Variants in ZMIZ1 observed in about 807,000 individuals in gnomAD.
ZMIZ1 encodes the protein zinc finger MIZ-type containing 1, also known as zinc finger MIZ domain-containing protein 1.
ZMIZ1 carries 17 observed loss-of-function variants against 113.9 expected under a neutral mutation model. The observed-to-expected ratio is 0.15, with a 90% CI of 0.10 to 0.22. ZMIZ1 has a LOEUF of 0.22. Ranked by LOEUF, ZMIZ1 falls within the 10% of genes least tolerant of loss-of-function variation. The probability of loss-of-function intolerance (pLI) is 1.00; values close to 1 mark genes in which losing one functional copy is unlikely to be tolerated. For synonymous variants in ZMIZ1, 607 were observed against 603.1 expected (o/e 1.01, Z -0.09); for missense variants, 1,059 against 1,477.8 (o/e 0.72, Z 4.65).
rs1206669257 is a variant in ZMIZ1 at position 79,208,337 on chromosome 10, A to T, written c.62A>T (p.His21Leu). ...CCGCCTCCTTTTCCTTTCCCACAGCACTTACAGAATCCTGCCAACTTCCAC... is the reference window on the plus strand; with the variant it reads ...CCGCCTCCTTTTCCTTTCCCACAGCTCTTACAGAATCCTGCCAACTTCCAC... ...TNDRLQCIKQHLQNPANFHNA... is the reference protein window; with the variant it reads ...TNDRLQCIKQLLQNPANFHNA... The change falls in exon 6 of 25, where the codon CAC becomes CTC. Residue 21 changes from histidine to leucine, a missense_variant and splice_region_variant. Transcript: ENST00000334512. 1 of 1,613,712 alleles carries T rather than the reference A, an allele frequency of 6.2e-7. No homozygotes were observed. Among genetic ancestry groups the T allele is most frequent in the Non-Finnish European group, 8.5e-7 (1 of 1,179,926 alleles).
intron 4 of ZMIZ1, among the ~76,000 whole-genome samples, chr10:79,194,419 G>A (rs1351234860): frequency 6.6e-6 from 1 of 152,264 alleles, no homozygotes; most frequent in Non-Finnish European, 1.5e-5. Context: ...AAACACTTGT[G>A]TTGGGACAGC....
chr10:79,257,660 G>C (rs1304197309), intron 7 of ZMIZ1, among the ~76,000 whole-genome samples: 1 of 152,224 alleles, frequency 6.6e-6, no homozygotes, highest in Non-Finnish European at 1.5e-5. Context: ...TGCCTGCCAG[G>C]CAGACCTGCC....
chr10:79,158,960 A>C (rs1846003725), intron 3 of ZMIZ1, among the ~76,000 whole-genome samples: 1 of 152,168 alleles, frequency 6.6e-6, no homozygotes, highest in Non-Finnish European at 1.5e-5. Context: ...GGGGTGTTTC[A>C]GGCTGCTGTC....
chr10:79,115,437 C>T (rs1479365883), intron 1 of ZMIZ1, among the ~76,000 whole-genome samples: 1 of 152,178 alleles, frequency 6.6e-6, no homozygotes, highest in Non-Finnish European at 1.5e-5. Flanking sequence ...AGGAAGGTGA[C>T]AGGTGCTGTG....
chr10:79,087,128 C>T (rs1443577213), intron 1 of ZMIZ1, among the ~76,000 whole-genome samples: 4 of 152,252 alleles, frequency 2.6e-5, no homozygotes, highest in Non-Finnish European at 5.9e-5. Context: ...ATTGCTTGTT[C>T]ACTGGCATTG....
chr10:79,298,689 G>GA, intron 15 of ZMIZ1, 109 bp downstream of exon 15: 1 of 1,052,904 alleles, frequency 9.5e-7, no homozygotes, highest in Non-Finnish European at 1.4e-6. Context: ...AGAAGGGGCA[G>GA]AGAGTTGAGA....
intron 8 of ZMIZ1, among the ~76,000 whole-genome samples, chr10:79,288,463 G>T (rs984519254): frequency 1.3e-5 from 2 of 152,188 alleles, no homozygotes; most frequent in African/African-American, 4.8e-5. Flanking sequence ...CCAGACAGAG[G>T]CATGAGGCTC....
intron 1 of ZMIZ1, among the ~76,000 whole-genome samples, chr10:79,114,254 T>C (rs1263124032): frequency 6.6e-6 from 1 of 152,044 alleles, no homozygotes; most frequent in African/African-American, 2.4e-5. Context: ...TTTTTCCCCC[T>C]GTTTAATGGC....
intron 3 of ZMIZ1, among the ~76,000 whole-genome samples, chr10:79,148,557 G>A (rs568811558): frequency 2.0e-5 from 3 of 152,294 alleles, no homozygotes; most frequent in South Asian, 2.1e-4. Context: ...ACGCCTGTCC[G>A]GAAAAGGGGT....
rs1328523668 is a variant in ZMIZ1, at chr10:79,314,273, G to A, written c.*1524G>A. ...GCCTAGGGTGATGCCAGGTTGTCCC[G>A]TCACTGGGGTCCCATCTGTAAATTC... On this transcript the variant is annotated 3_prime_UTR_variant, in exon 25 of 25. Transcript: ENST00000334512. 2.6e-5 allele frequency: 12 copies of A among 456,694 alleles called. No individual in the cohort carries two copies. Among genetic ancestry groups the A allele is most frequent in the Admixed American group, 7.0e-5 (3 of 42,560 alleles). The allele number at this position is 456,694 out of a possible 1,614,324, so 28.3% of individuals were successfully genotyped here. A position where few individuals can be genotyped will look rare whatever the true frequency, so the allele number is the denominator to read the frequency against.
rs1262740400 is a variant in ZMIZ1 at position 79,293,570 on chromosome 10, C to A, written c.1147C>A (p.Gln383Lys). The A allele has an allele frequency of 6.2e-7, 1 of 1,613,056 alleles. No individual in the cohort carries two copies. Among genetic ancestry groups the A allele is most frequent in the Admixed American group, 1.7e-5 (1 of 60,036 alleles). The stretch of plus-strand genomic sequence containing the variant: ...CATCAGCCCCTTTGGCACACACGGG[C>A]AGCGGATGCCCCAGCAGACCTACCC... The part of the protein sequence containing the change: ...PGISPFGTHG[Q>K]RMPQQTYPGP... Residue 383 changes from glutamine (Q) to lysine (K), a missense_variant, in exon 12 of 25, where the codon CAG becomes AAG. Gln to Lys is a moderately conservative substitution (Grantham distance 53). Around this residue, in one of 6 missense-constraint regions of ZMIZ1, gnomAD observed 239 missense variants for 247.5 expected, o/e 0.97. Coordinates refer to ENST00000334512, the MANE Select transcript of ZMIZ1 (RefSeq NM_020338.4).
At chr10:79,164,770 G>T (rs892685888) in intron 4 of ZMIZ1, among the ~76,000 whole-genome samples, 1 of 152,170 alleles carries the variant, frequency 6.6e-6, no homozygotes, top group African/African-American at 2.4e-5. Flanking sequence ...CTGGGGTTGC[G>T]GCTGTATGGG....
intron 1 of ZMIZ1, among the ~76,000 whole-genome samples, chr10:79,095,704 C>T (rs867739305): frequency 3.3e-4 from 50 of 152,204 alleles, no homozygotes; most frequent in Middle Eastern, 6.3e-3. Flanking sequence ...CTGGACACAT[C>T]GTGCAGACCC....
chr10:79,245,594 G>A (rs1420906878), intron 7 of ZMIZ1, among the ~76,000 whole-genome samples: 2 of 152,192 alleles, frequency 1.3e-5, no homozygotes, highest in African/African-American at 4.8e-5. Flanking sequence ...CCCAGTCCAT[G>A]CAGTCCCTGG....
chr10:79,226,602 G>A (rs1421340499), intron 7 of ZMIZ1, among the ~76,000 whole-genome samples: 2 of 152,214 alleles, frequency 1.3e-5, no homozygotes. Flanking sequence ...TTAAGATGGA[G>A]CTTAGCATTC....
intron 4 of ZMIZ1, among the ~76,000 whole-genome samples, chr10:79,175,077 T>C (rs1346291899): frequency 2.0e-5 from 3 of 152,156 alleles, no homozygotes; most frequent in Admixed American, 6.5e-5. Flanking sequence ...GCTTCACAGG[T>C]ACAGAGCAAG....
Position 79,312,672 on chromosome 10 carries a change from C to G in ZMIZ1, c.3127C>G (p.Leu1043Val). 1 of 1,614,238 alleles carries G rather than the reference C, an allele frequency of 6.2e-7. No individual in the cohort carries two copies. The highest frequency in any genetic ancestry group is 8.5e-7 in the Non-Finnish European group (1 of 1,180,038). The part of the protein sequence containing the change: ...LLPELTNPDE[L>V]LSYLDPPDLP... ...TCCCGAACTCACAAATCCTGACGAG[C>G]TCCTGTCTTATCTGGACCCCCCCGA... The change falls in exon 25 of 25, where the codon CTC (leucine) becomes GTC (valine). Residue 1043 changes from leucine to valine, a missense_variant. By Grantham distance (32) the Leu-to-Val change is conservative (BLOSUM62 1). Around this residue, in one of 6 missense-constraint regions of ZMIZ1, gnomAD observed 225 missense variants for 276.0 expected, o/e 0.82. Coordinates refer to ENST00000334512, the MANE Select transcript of ZMIZ1 (RefSeq NM_020338.4).
intron 1 of ZMIZ1, among the ~76,000 whole-genome samples, chr10:79,117,594 AAC>A (rs1844104554): frequency 2.6e-5 from 4 of 152,208 alleles, no homozygotes; most frequent in Admixed American, 2.6e-4. Flanking sequence ...CGAGCATTCT[AAC>A]ACATGTCTTC....
chr10:79,144,101 G>A (rs1056922879), intron 3 of ZMIZ1, among the ~76,000 whole-genome samples: 3 of 152,144 alleles, frequency 2.0e-5, no homozygotes, highest in South Asian at 2.1e-4. Context: ...TAGTGTGCCC[G>A]GCGGAGGGGA....
Sources: allele counts gnomAD v4.1 joint callset (sites outside exome capture counted in the v4.1 genomes callset), GRCh38; gene constraint gnomAD v4.1.1; regional missense constraint gnomAD v4.1.1; transcripts MANE v1.5; gene names NCBI Gene and HGNC (gene_info 2026-07-23, HGNC 2026-07-21).